PCSK5: variants seen among roughly 807,000 people sequenced by gnomAD.
PCSK5 encodes the protein prohormone convertase 5.
In PCSK5, 129 loss-of-function variants were observed where a neutral mutation model predicts 233.2. The ratio of observed to expected loss-of-function variants is 0.55; its 90% CI spans 0.48 to 0.64. The LOEUF is 0.64. Among genes scored for constraint, PCSK5 ranks in the 30% least tolerant of loss-of-function variants. PCSK5 has a pLI of 0.00. For synonymous variants in PCSK5, 825 were observed against 879.2 expected (o/e 0.94, Z 1.09); for missense variants, 2,076 against 2,430.1 (o/e 0.85, Z 3.06).
At chr9:76,045,450 T>C (rs1829332292) in intron 5 of PCSK5, among the ~76,000 whole-genome samples, 1 of 152,216 alleles carries the variant, frequency 6.6e-6, no homozygotes. Context: ...AGCTACCCCA[T>C]GCCAACTGAG....
intron 9 of PCSK5, among the ~76,000 whole-genome samples, chr9:76,117,082 A>G (rs1040405725): frequency 1.3e-5 from 2 of 152,004 alleles, no homozygotes; most frequent in African/African-American, 4.8e-5. Flanking sequence ...TTTGAAACAA[A>G]CTTTTTTTTT....
At chr9:76,225,037 TGAG>T (rs1454217737) in intron 20 of PCSK5, among the ~76,000 whole-genome samples, 1 of 152,186 alleles carries the variant, frequency 6.6e-6, no homozygotes, top group Admixed American at 6.5e-5. Flanking sequence ...TAGATGAATA[TGAG>T]GAGTTCTGCC....
chr9:76,335,033 G>C (rs1192992214), intron 34 of PCSK5, among the ~76,000 whole-genome samples: 1 of 151,740 alleles, frequency 6.6e-6, no homozygotes, highest in Non-Finnish European at 1.5e-5. Flanking sequence ...AGCCAAGATC[G>C]CACCACTGCA....
intron 24 of PCSK5, among the ~76,000 whole-genome samples, chr9:76,279,572 C>T (rs1420041388): frequency 6.6e-6 from 1 of 151,732 alleles, no homozygotes; most frequent in Admixed American, 6.6e-5. Flanking sequence ...TCTCCAGCAC[C>T]TGTTGTTTCC....
At chr9:76,114,801 C>A (rs1832359144) in intron 9 of PCSK5, among the ~76,000 whole-genome samples, 1 of 152,108 alleles carries the variant, frequency 6.6e-6, no homozygotes, top group Admixed American at 6.6e-5. Flanking sequence ...AATCACCAGA[C>A]CTTTTCCTTG....
chr9:76,140,760 A>C (rs1823181989), intron 10 of PCSK5, among the ~76,000 whole-genome samples: 1 of 152,138 alleles, frequency 6.6e-6, no homozygotes, highest in Non-Finnish European at 1.5e-5. Context: ...TAAATCTTTA[A>C]AGCTGTAATT....
At chr9:76,021,697 C>T (rs564713448) in intron 3 of PCSK5, among the ~76,000 whole-genome samples, 2 of 152,242 alleles carry the variant, frequency 1.3e-5, no homozygotes, top group East Asian at 3.9e-4. Flanking sequence ...TTATAACACT[C>T]AACAAAAGGC....
intron 28 of PCSK5, among the ~76,000 whole-genome samples, chr9:76,307,188 T>C (rs576723791): frequency 1.3e-5 from 2 of 152,244 alleles, no homozygotes; most frequent in Non-Finnish European, 2.9e-5. Context: ...ACCGTATCCA[T>C]GGTTACCCTA....
rs555275487 is a variant in PCSK5 at position 76,211,831 on chromosome 9, G to A, written c.2627-15672G>A. Among the ~76,000 whole-genome samples, 15 of 152,070 alleles carry A rather than the reference G, an allele frequency of 9.9e-5. No homozygotes were observed. The South Asian group carries it at 2.7e-3, about 27-fold the overall frequency. On this transcript the variant is annotated intron_variant, in intron 20 of 37. Transcript: ENST00000674117. ...CCTTTGCACTCCAGCCTGGGTGAGA[G>A]AATGAGACCGTGTCTCAAAAAAAAA...
chr9:76,330,835 C>T (rs78690461), intron 33 of PCSK5, among the ~76,000 whole-genome samples: 1,832 of 152,166 alleles, frequency 0.012, 42 homozygotes, highest in African/African-American at 0.042. Context: ...ACTCTCCTTC[C>T]CAGCAGTTGC....
chr9:76,129,232 C>G (rs1201634303), intron 9 of PCSK5, among the ~76,000 whole-genome samples: 2 of 148,968 alleles, frequency 1.3e-5, no homozygotes, highest in African/African-American at 4.9e-5. Flanking sequence ...CTGCTTGTTT[C>G]TATTTCTATT....
At chr9:76,150,167 C>T (rs1488633926) in intron 10 of PCSK5, among the ~76,000 whole-genome samples, 1 of 152,192 alleles carries the variant, frequency 6.6e-6, no homozygotes, top group African/African-American at 2.4e-5. Context: ...CTATGTACAG[C>T]TGCTGACCAA....
chr9:76,069,294 T>C (rs1830396841), intron 6 of PCSK5, among the ~76,000 whole-genome samples: 1 of 152,112 alleles, frequency 6.6e-6, no homozygotes. Flanking sequence ...TCAGCCCTTC[T>C]CATGGTCCAG....
In PCSK5 at chr9:76,204,515, C is replaced by T. The variant is rs180860331; in HGVS notation, c.2626+14769C>T. Among the ~76,000 whole-genome samples the T allele has an allele frequency of 3.3e-5, 5 of 151,712 alleles. No individual in the cohort carries two copies. The East Asian group carries it at 9.8e-4, about 30-fold the overall frequency. ...TCTACTCTCTCCCCCCTTCTCTGGC[C>T]TTCCTTTAGCCTGTCCCGGTGGCCA... On this transcript the variant is annotated intron_variant, in intron 20 of 37. Transcript: ENST00000674117.
chr9:76,002,859 TCAAA>T (rs1827318517), intron 3 of PCSK5, among the ~76,000 whole-genome samples: 1 of 152,156 alleles, frequency 6.6e-6, no homozygotes, highest in African/African-American at 2.4e-5. Context: ...TGCTGGATTC[TCAAA>T]CAAGCCTCCT....
chr9:76,090,216 A>C (rs1418386049), intron 7 of PCSK5, among the ~76,000 whole-genome samples: 1 of 152,068 alleles, frequency 6.6e-6, no homozygotes, highest in African/African-American at 2.4e-5. Flanking sequence ...ATAGTACTCC[A>C]TGCACCCTCC....
At chr9:75,928,638 T>TATATATATATATATAA (rs1491404962) in intron 1 of PCSK5, among the ~76,000 whole-genome samples, 1 of 128,586 alleles carries the variant, frequency 7.8e-6, no homozygotes, top group African/African-American at 2.9e-5. Context: ...TATATATATA[T>TATATATATATATATAA]AATCCTAGAA....
chr9:76,072,703 A>C (rs566062371), intron 7 of PCSK5, among the ~76,000 whole-genome samples: 76 of 152,234 alleles, frequency 5.0e-4, no homozygotes, highest in African/African-American at 1.8e-3. Flanking sequence ...CTTATAATGT[A>C]GACGTGCTCC....
chr9:76,002,095 A>T (rs940100170), intron 3 of PCSK5, among the ~76,000 whole-genome samples: 3 of 152,230 alleles, frequency 2.0e-5, no homozygotes, highest in South Asian at 2.1e-4. Flanking sequence ...ATTCAACAAC[A>T]TTTATTGAAT....
Sources: gnomAD v4.1 joint callset for allele counts (sites outside exome capture counted in the v4.1 genomes callset) on GRCh38, gnomAD v4.1.1 for gene constraint, MANE v1.5 for transcripts, NCBI Gene and HGNC (gene_info 2026-07-23, HGNC 2026-07-21) for gene names.